The following KCNK2 variants were observed in gnomAD, a reference collection of about 807,000 sequenced individuals.
The protein encoded by KCNK2 is potassium two pore domain channel subfamily K member 2.
In KCNK2, 21 loss-of-function variants were observed where a neutral mutation model predicts 40.5. The observed-to-expected ratio is 0.52, with a 90% CI of 0.37 to 0.75. KCNK2 has a LOEUF of 0.75. Among genes scored for constraint, KCNK2 ranks in the 30% least tolerant of loss-of-function variants. The pLI, the probability that KCNK2 is intolerant of heterozygous loss-of-function variation, is 0.00. For missense variants in KCNK2, 399 were observed against 531.6 expected, an observed-to-expected ratio of 0.75 and a Z score of 2.45; for synonymous variants, 191 against 202.2, an observed-to-expected ratio of 0.94 and a Z score of 0.47.
At chr1:215,062,237 T>C (rs942074263) in intron 1 of KCNK2, among the ~76,000 whole-genome samples, 1 of 152,074 alleles carries the variant, frequency 6.6e-6, no homozygotes, top group East Asian at 1.9e-4. Context: ...AAAGACAAGA[T>C]AAGAGTCTGG....
At chr1:215,067,593 T>G (rs908385790) in intron 1 of KCNK2, among the ~76,000 whole-genome samples, 1 of 152,144 alleles carries the variant, frequency 6.6e-6, no homozygotes, top group Admixed American at 6.5e-5. Flanking sequence ...ATCATCACAC[T>G]TGTTGAATTT....
chr1:215,164,769 G>A (rs1479917529), intron 3 of KCNK2, among the ~76,000 whole-genome samples: 2 of 152,096 alleles, frequency 1.3e-5, no homozygotes, highest in Non-Finnish European at 2.9e-5. Flanking sequence ...TGTGCATCAG[G>A]AACATTCTGT....
chr1:215,042,931 C>T (rs764653147), intron 1 of KCNK2, among the ~76,000 whole-genome samples: 2 of 152,122 alleles, frequency 1.3e-5, no homozygotes, highest in Non-Finnish European at 2.9e-5. Context: ...ATTCTAGGCT[C>T]TCTTATTGAA....
At chr1:215,023,215 T>TA (rs376284064) in intron 1 of KCNK2, among the ~76,000 whole-genome samples, 1 of 151,364 alleles carries the variant, frequency 6.6e-6, no homozygotes, top group Non-Finnish European at 1.5e-5. Context: ...TTATTATTAT[T>TA]TTTTTTGTAT....
chr1:215,051,767 G>A (rs1028997591), intron 1 of KCNK2, among the ~76,000 whole-genome samples: 13 of 152,080 alleles, frequency 8.5e-5, no homozygotes, highest in Non-Finnish European at 1.6e-4. Context: ...GGCATGGGAG[G>A]GTTAGAAAAT....
intron 2 of KCNK2, among the ~76,000 whole-genome samples, chr1:215,108,826 A>ATG (rs1201995803): frequency 6.7e-6 from 1 of 149,496 alleles, no homozygotes; most frequent in Non-Finnish European, 1.5e-5. Context: ...GTGGGTGTGG[A>ATG]TGTGTGTGTG....
At chr1:215,231,030 C>G (rs1378021272) in intron 6 of KCNK2, among the ~76,000 whole-genome samples, 1 of 152,140 alleles carries the variant, frequency 6.6e-6, no homozygotes. Context: ...GCACTCGGCT[C>G]TACATGTTCC....
At chr1:215,038,643 C>A (rs1473497666) in intron 1 of KCNK2, among the ~76,000 whole-genome samples, 2 of 152,006 alleles carry the variant, frequency 1.3e-5, no homozygotes, top group South Asian at 2.1e-4. Flanking sequence ...AAAAACAGAA[C>A]CAATGGATTA....
chr1:215,233,035 CA>C (rs1666735618), intron 6 of KCNK2, among the ~76,000 whole-genome samples: 1 of 152,136 alleles, frequency 6.6e-6, no homozygotes, highest in Non-Finnish European at 1.5e-5. Flanking sequence ...GGAGTCCCCC[CA>C]AAACAGAATT....
chr1:215,085,914 C>A (rs980242694), intron 1 of KCNK2, among the ~76,000 whole-genome samples: 2 of 152,126 alleles, frequency 1.3e-5, no homozygotes, highest in Admixed American at 1.3e-4. Flanking sequence ...AGAGAATGTT[C>A]TTTATATTGC....
At chr1:215,153,402 C>A (rs996803566) in intron 3 of KCNK2, among the ~76,000 whole-genome samples, 2 of 151,988 alleles carry the variant, frequency 1.3e-5, no homozygotes, top group Admixed American at 6.6e-5. Context: ...TGGATCTGGG[C>A]CATCTTCAGT....
chr1:215,179,672 G>C (rs1664144582), intron 5 of KCNK2, among the ~76,000 whole-genome samples: 1 of 152,018 alleles, frequency 6.6e-6, no homozygotes, highest in African/African-American at 2.4e-5. Flanking sequence ...GTGTGGTTTT[G>C]AGAGATCTTC....
intron 3 of KCNK2, among the ~76,000 whole-genome samples, chr1:215,136,384 C>CA (rs1243724638): frequency 6.6e-6 from 1 of 152,166 alleles, no homozygotes; most frequent in East Asian, 1.9e-4. Flanking sequence ...AGGTGTGAGC[C>CA]ACCATGCCTG....
intron 5 of KCNK2, among the ~76,000 whole-genome samples, chr1:215,184,536 T>A (rs1467740101): frequency 2.6e-5 from 4 of 152,132 alleles, no homozygotes; most frequent in African/African-American, 9.7e-5. Flanking sequence ...AATAGACTCA[T>A]AGTTCAACAT....
chr1:215,102,731 T>C (rs1660276256), intron 2 of KCNK2, among the ~76,000 whole-genome samples: 1 of 151,890 alleles, frequency 6.6e-6, no homozygotes, highest in African/African-American at 2.4e-5. Flanking sequence ...CTTTTCTATG[T>C]TTAGACACAC....
intron 3 of KCNK2, among the ~76,000 whole-genome samples, chr1:215,156,944 G>A (rs374833531): frequency 0.02 from 1,989 of 99,038 alleles, 37 homozygotes; most frequent in African/African-American, 0.048. Context: ...CCAGCTACTC[G>A]CGAGGCTGAG....
In KCNK2 at chr1:215,235,237, A is replaced by G. The variant is rs568207972; in HGVS notation, c.*92A>G. 3 of 1,097,744 alleles carry G rather than the reference A, an allele frequency of 2.7e-6. No homozygotes were observed. The highest frequency in any genetic ancestry group is 2.2e-5 in the Admixed American group (1 of 46,234). The allele number at this position is 1,097,744 out of a possible 1,614,324, so 68.0% of individuals were successfully genotyped here. A position where few individuals can be genotyped will look rare whatever the true frequency, so the allele number is the denominator to read the frequency against. ...GCTGGTAGCATTTTTTAAATTGTGC[A>G]TGAGCTCAAAGGGGGAACAAAATAG... On this transcript the variant is annotated 3_prime_UTR_variant, in exon 7 of 7. Coordinates refer to ENST00000444842, the MANE Select transcript of KCNK2 (RefSeq NM_001017425.3).
chr1:215,037,916 T>G (rs1271515076), intron 1 of KCNK2, among the ~76,000 whole-genome samples: 1 of 151,872 alleles, frequency 6.6e-6, no homozygotes, highest in Non-Finnish European at 1.5e-5. Flanking sequence ...TTTCTCTCTT[T>G]CTTGAGATAT....
At chr1:215,172,251 T>G in intron 5 of KCNK2, 68 bp downstream of exon 5, 1 of 1,395,164 alleles carries the variant, frequency 7.2e-7, no homozygotes, top group Non-Finnish European at 9.9e-7. Flanking sequence ...TTCACTTAGG[T>G]TTATAACGAA....
Sources: allele counts gnomAD v4.1 joint callset (sites outside exome capture counted in the v4.1 genomes callset), GRCh38; gene constraint gnomAD v4.1.1; transcripts MANE v1.5; gene names NCBI Gene and HGNC (gene_info 2026-07-23, HGNC 2026-07-21).